Variants in PGF observed in about 807,000 individuals in gnomAD.
PGF encodes placental growth factor.
Under a neutral mutation model 25.3 loss-of-function variants are expected in PGF, and 11 were observed. That is an observed-to-expected ratio of 0.43 (90% CI 0.27 to 0.72). The LOEUF is 0.72. Ranked by LOEUF, PGF falls within the 30% of genes least tolerant of loss-of-function variation. The probability of loss-of-function intolerance (pLI) is 0.18; values close to 1 mark genes in which losing one functional copy is unlikely to be tolerated. For missense variants in PGF, 230 were observed against 234.9 expected (o/e 0.98, Z 0.14); for synonymous variants, 105 against 97.9 (o/e 1.07, Z -0.43).
rs368588768 is a variant in PGF at position 74,948,734 on chromosome 14, G to A, written c.316-151C>T. On this transcript the variant is annotated intron_variant, in intron 3 of 6. Coordinates refer to ENST00000555567, the MANE Select transcript of PGF (RefSeq NM_002632.6). ...CTCCACTCTGAACGTGGGGCAAACA[G>A]CTCTCTCAGCTGCATGGGGATCTGA... 939 of 512,250 alleles carry A rather than the reference G, an allele frequency of 1.8e-3. 4 individuals carry two copies. The highest frequency in any genetic ancestry group is 0.015 in the Middle Eastern group (46 of 3,012). The allele number at this position is 512,250 out of a possible 1,614,324, so 31.7% of individuals were successfully genotyped here.
intron 6 of PGF, among the ~76,000 whole-genome samples, chr14:74,944,130 A>C (rs1594983568): frequency 1.6e-5 from 2 of 121,708 alleles, no homozygotes; most frequent in African/African-American, 6.8e-5. Context: ...TTTGAGACGG[A>C]GTCTTGCTCT....
At chr14:74,952,243 G>A (rs1888888552) in intron 2 of PGF, among the ~76,000 whole-genome samples, 1 of 152,226 alleles carries the variant, frequency 6.6e-6, no homozygotes, top group Non-Finnish European at 1.5e-5. Flanking sequence ...CTGGAGACGG[G>A]CCACAGGGCT....
intron 6 of PGF, among the ~76,000 whole-genome samples, chr14:74,943,257 C>G (rs1888645460): frequency 6.6e-6 from 1 of 152,212 alleles, no homozygotes; most frequent in Non-Finnish European, 1.5e-5. Flanking sequence ...GAGGCAGTGG[C>G]TGAGATCTGC....
intron 6 of PGF, chr14:74,945,415 C>T (rs553534865): frequency 5.9e-5 from 9 of 152,150 alleles, no homozygotes; most frequent in Non-Finnish European, 1.2e-4. Context: ...CCCTAGGGGG[C>T]GCAGTCCCCA....
At chr14:74,948,606 C>A (rs781687506) in intron 3 of PGF, 23 bp from the exon 4 acceptor site, 26 of 1,555,354 alleles carry the variant, frequency 1.7e-5, no homozygotes, top group Non-Finnish European at 2.3e-5. Flanking sequence ...AGAGTTGATG[C>A]CTGGATTGGG....
intron 2 of PGF, among the ~76,000 whole-genome samples, chr14:74,951,840 TC>T (rs975047442): frequency 3.9e-5 from 6 of 152,056 alleles, no homozygotes; most frequent in African/African-American, 1.4e-4. Context: ...GGGCAATTCA[TC>T]CCTGAAGGCC....
At chr14:74,943,280 A>G (rs1182560112) in intron 6 of PGF, among the ~76,000 whole-genome samples, 2 of 152,266 alleles carry the variant, frequency 1.3e-5, no homozygotes, top group Non-Finnish European at 2.9e-5. Context: ...CTCTGGCCAC[A>G]ACACATCTTG....
chr14:74,954,138 C>G (rs61757878), intron 1 of PGF, 192 bp from the exon 2 acceptor site: 7,023 of 597,942 alleles, frequency 0.012, 380 homozygotes, highest in African/African-American at 0.12. Flanking sequence ...GGTCCCACCC[C>G]TCTCTGGCCT....
At chr14:74,943,097 C>T (rs752766306) in intron 6 of PGF, among the ~76,000 whole-genome samples, 9 of 152,218 alleles carry the variant, frequency 5.9e-5, no homozygotes, top group Non-Finnish European at 1.3e-4. Context: ...AACCTAATCA[C>T]ACTCCATGCA....
intron 4 of PGF, 99 bp from the exon 5 acceptor site, chr14:74,946,507 T>C: frequency 8.3e-7 from 1 of 1,211,294 alleles, no homozygotes; most frequent in East Asian, 2.4e-5. Flanking sequence ...TCCCCAGTCC[T>C]GGTCCTGCAG....
In PGF at chr14:74,950,825, C is replaced by T. The variant is rs1216869064; in HGVS notation, c.119-1272G>A. On this transcript the variant is annotated intron_variant, in intron 2 of 6. Transcript: ENST00000555567. The surrounding 1 kb of genome is among the most constrained non-coding windows in gnomAD (Gnocchi z 4.1). Reference sequence around the variant, plus strand: ...CCATGGACAGAGAAACACCCCCAGGCCTGGGTCATCCTGCTCTGCATCTGA... The same window carrying T: ...CCATGGACAGAGAAACACCCCCAGGTCTGGGTCATCCTGCTCTGCATCTGA... Among the ~76,000 whole-genome samples, 5 of 152,208 alleles carry T rather than the reference C, an allele frequency of 3.3e-5. No homozygotes were observed. Among genetic ancestry groups the T allele is most frequent in the Admixed American group, 2.0e-4 (3 of 15,290 alleles).
chr14:74,955,430 A>G lies in PGF; in HGVS notation c.-188T>C. ...TTGCGGAGTCAGGAGCCCGTAGGTA[A>G]GGCTGTGGCTGGGGAACCCGACGGG... On this transcript the variant is annotated 5_prime_UTR_variant, in exon 1 of 7. Transcript: ENST00000555567. This position sits in a 1 kb window ranked among gnomAD's most constrained non-coding sequence, Gnocchi z 4.1. 2.5e-6 allele frequency: 1 copy of G among 401,966 alleles called. No homozygotes were observed. Among genetic ancestry groups the G allele is most frequent in the East Asian group, 3.6e-5 (1 of 27,854 alleles). The allele number at this position is 401,966 out of a possible 1,614,324, so 24.9% of individuals were successfully genotyped here.
In PGF at chr14:74,950,553, C is replaced by T. The variant is rs975761878; in HGVS notation, c.119-1000G>A. On this transcript the variant is annotated intron_variant, in intron 2 of 6. Coordinates refer to ENST00000555567, the MANE Select transcript of PGF (RefSeq NM_002632.6). The surrounding 1 kb of genome is among the most constrained non-coding windows in gnomAD (Gnocchi z 4.1). ...AATCCCTCAAAAGATGCTGCTCTTT[C>T]GGGGGAAGGCCTAGGACCAGGCCCC... 3.3e-5 allele frequency among the ~76,000 whole-genome samples: 5 copies of T among 152,264 alleles called. 1 individual carries two copies. In the South Asian group the frequency reaches 6.2e-4, roughly 19 times the overall value.
intron 6 of PGF, 26 bp downstream of exon 6, chr14:74,946,187 C>G (rs762590332): frequency 1.2e-6 from 2 of 1,610,642 alleles, no homozygotes; most frequent in Non-Finnish European, 1.7e-6. Context: ...AGCCTCCTCG[C>G]CATCCCTGGG....
Position 74,953,533 on chromosome 14 carries a change from G to A in PGF, c.118+371C>T, listed in dbSNP as rs867406608. Among the ~76,000 whole-genome samples the A allele has an allele frequency of 1.3e-5, 2 of 152,118 alleles. No individual in the cohort carries two copies. Among genetic ancestry groups the A allele is most frequent in the South Asian group, 2.1e-4 (1 of 4,828 alleles). ...TCACCCATTCCTGATCCTCTTGACT[G>A]CCCACTGCATTCAGCTCCCAGACCC... On this transcript the variant is annotated intron_variant, in intron 2 of 6. Transcript: ENST00000555567. The surrounding 1 kb of genome is among the most constrained non-coding windows in gnomAD (Gnocchi z 5.4).
At chr14:74,946,086 C>T in intron 6 of PGF, 127 bp downstream of exon 6, 1 of 766,768 alleles carries the variant, frequency 1.3e-6, no homozygotes, top group Non-Finnish European at 2.2e-6. Flanking sequence ...GGAGGTGCAG[C>T]TCCCTGTTCT....
At chr14:74,949,196 G>GC (rs1394983068) in intron 3 of PGF, among the ~76,000 whole-genome samples, 161 bp downstream of exon 3, 1 of 152,306 alleles carries the variant, frequency 6.6e-6, no homozygotes, top group Admixed American at 6.5e-5. Flanking sequence ...TGGGCTCAGA[G>GC]CCATCGGAGG....
intron 6 of PGF, among the ~76,000 whole-genome samples, chr14:74,943,102 CA>C (rs1181252096): frequency 6.6e-6 from 1 of 152,194 alleles, no homozygotes; most frequent in African/African-American, 2.4e-5. Context: ...AATCACACTC[CA>C]TGCAATCATG....
rs997961719 is a variant in PGF, at chr14:74,953,784, G to C, written c.118+120C>G. 9 of 994,686 alleles carry C rather than the reference G, an allele frequency of 9.0e-6. No homozygotes were observed. The highest frequency in any genetic ancestry group is 5.1e-5 in the Admixed American group (3 of 58,552). The allele number at this position is 994,686 out of a possible 1,614,324, so 61.6% of individuals were successfully genotyped here. A position where few individuals can be genotyped will look rare whatever the true frequency, so the allele number is the denominator to read the frequency against. On this transcript the variant is annotated intron_variant, in intron 2 of 6. Coordinates refer to ENST00000555567, the MANE Select transcript of PGF (RefSeq NM_002632.6). This position sits in a 1 kb window ranked among gnomAD's most constrained non-coding sequence, Gnocchi z 5.4. ...CCAAAGTCATCACCCAGCATGTCTA[G>C]CTTGTAGGCTCTCCCCAGCTTTTAT...
Sources: allele counts gnomAD v4.1 joint callset (sites outside exome capture counted in the v4.1 genomes callset), GRCh38; gene constraint gnomAD v4.1.1; non-coding constraint Gnocchi (gnomAD v3.1); transcripts MANE v1.5; gene names NCBI Gene and HGNC (gene_info 2026-07-23, HGNC 2026-07-21).